Variants in RGS22 observed in about 807,000 individuals in gnomAD.
RGS22 encodes the protein regulator of G-protein signaling 22.
In RGS22, 148 loss-of-function variants were observed where a neutral mutation model predicts 172.9. The ratio of observed to expected loss-of-function variants is 0.86; its 90% confidence interval spans 0.75 to 0.98. The LOEUF (loss-of-function observed/expected upper bound fraction) is 0.98. RGS22 is among the 50% of genes least tolerant of loss of function. The pLI, the probability that RGS22 is intolerant of heterozygous loss-of-function variation, is 0.00. For synonymous variants in RGS22, 458 were observed against 480.2 expected (o/e 0.95, Z 0.60); for missense variants, 1,347 against 1,440.8 (o/e 0.93, Z 1.05).
intron 23 of RGS22, among the ~76,000 whole-genome samples, chr8:99,967,337 T>G (rs1289645245): frequency 3.3e-5 from 5 of 150,794 alleles, no homozygotes; most frequent in South Asian, 2.1e-4. Context: ...GAGTTTGTTT[T>G]TTTTTTTTGT....
At chr8:100,023,133 A>G (rs1344466926) in intron 14 of RGS22, among the ~76,000 whole-genome samples, 4 of 152,242 alleles carry the variant, frequency 2.6e-5, no homozygotes, top group Non-Finnish European at 4.4e-5. Flanking sequence ...CAGAGTATCA[A>G]GTGATTGCTG....
intron 9 of RGS22, among the ~76,000 whole-genome samples, chr8:100,060,266 T>C (rs1810003269): frequency 6.6e-6 from 1 of 151,814 alleles, no homozygotes; most frequent in African/African-American, 2.4e-5. Context: ...TAATGTCACA[T>C]GTATGTTCTT....
intron 14 of RGS22, among the ~76,000 whole-genome samples, chr8:100,016,881 G>A (rs988876763): frequency 2.0e-5 from 3 of 147,490 alleles, no homozygotes; most frequent in South Asian, 2.1e-4. Context: ...TAACCTGCAC[G>A]TTGTGCACAT....
intron 14 of RGS22, among the ~76,000 whole-genome samples, chr8:100,035,409 T>C (rs1030508606): frequency 3.9e-5 from 6 of 152,266 alleles, no homozygotes; most frequent in African/African-American, 1.2e-4. Context: ...CACAATGAGA[T>C]ACCATCTCAC....
At chr8:100,082,528 A>G (rs1811842807) in intron 3 of RGS22, among the ~76,000 whole-genome samples, 1 of 152,156 alleles carries the variant, frequency 6.6e-6, no homozygotes, top group Admixed American at 6.5e-5. Context: ...AAAGGTCGTG[A>G]TGGACACTTT....
chr8:100,055,313 G>T (rs186406059), intron 9 of RGS22, among the ~76,000 whole-genome samples: 2,058 of 152,316 alleles, frequency 0.014, 28 homozygotes, highest in Non-Finnish European at 0.022. Flanking sequence ...CTATTTGGGA[G>T]AAAGTAAGGG....
intron 23 of RGS22, among the ~76,000 whole-genome samples, chr8:99,973,501 C>T (rs555618913): frequency 1.4e-4 from 22 of 152,172 alleles, no homozygotes; most frequent in Middle Eastern, 6.8e-3. Flanking sequence ...ACATCACACA[C>T]CAGGGCCTGT....
At chr8:100,017,920 T>G (rs1374578969) in intron 14 of RGS22, among the ~76,000 whole-genome samples, 3 of 152,204 alleles carry the variant, frequency 2.0e-5, no homozygotes, top group African/African-American at 7.2e-5. Flanking sequence ...TCCAGTCAGC[T>G]ACTCTGATTC....
chr8:100,071,021 G>A (rs571937306), intron 6 of RGS22, among the ~76,000 whole-genome samples: 162 of 152,286 alleles, frequency 1.1e-3, no homozygotes, highest in Non-Finnish European at 2.0e-3. Context: ...GGTAGCTTAC[G>A]CCTGTAATCC....
At chr8:100,090,141 C>G (rs1812464077) in intron 3 of RGS22, among the ~76,000 whole-genome samples, 1 of 152,096 alleles carries the variant, frequency 6.6e-6, no homozygotes, top group Non-Finnish European at 1.5e-5. Context: ...AGCACTAAAC[C>G]TGTGCCAGGC....
intron 14 of RGS22, among the ~76,000 whole-genome samples, chr8:100,026,216 A>C (rs1253542827): frequency 7.4e-6 from 1 of 134,310 alleles, no homozygotes; most frequent in Admixed American, 7.3e-5. Flanking sequence ...GCTACAATGC[A>C]CAACCCAGTA....
intron 4 of RGS22, among the ~76,000 whole-genome samples, chr8:100,073,582 A>G (rs1169602351): frequency 3.9e-5 from 6 of 152,258 alleles, no homozygotes; most frequent in Admixed American, 2.0e-4. Context: ...TCTGAAGGAC[A>G]TTTGGATCTT....
At chr8:99,995,386 C>T (rs1012971768) in intron 20 of RGS22, among the ~76,000 whole-genome samples, 3 of 152,266 alleles carry the variant, frequency 2.0e-5, no homozygotes, top group Admixed American at 1.3e-4. Context: ...GGGTTAATAT[C>T]CAGAATCTAC....
At chr8:100,000,394 GA>G (rs1011437012) in intron 18 of RGS22, among the ~76,000 whole-genome samples, 7 of 149,700 alleles carry the variant, frequency 4.7e-5, no homozygotes, top group South Asian at 2.1e-4. Flanking sequence ...AAAAGAAAAA[GA>G]AAAAAAAAGA....
intron 14 of RGS22, among the ~76,000 whole-genome samples, chr8:100,023,036 A>T (rs1817788454): frequency 6.6e-6 from 1 of 152,184 alleles, no homozygotes; most frequent in Non-Finnish European, 1.5e-5. Flanking sequence ...GATTATATTA[A>T]AATTTCTGGC....
intron 2 of RGS22, among the ~76,000 whole-genome samples, chr8:100,099,802 A>C (rs776468979): frequency 5.3e-5 from 8 of 152,204 alleles, no homozygotes; most frequent in Non-Finnish European, 7.3e-5. Flanking sequence ...TGTTCACAAC[A>C]CTTCTGGCCC....
chr8:100,070,357 A>C (rs1810877719), intron 6 of RGS22, among the ~76,000 whole-genome samples: 1 of 152,204 alleles, frequency 6.6e-6, no homozygotes, highest in African/African-American at 2.4e-5. Context: ...AAGATGTTTC[A>C]GATCTTTGAG....
Position 100,071,310 on chromosome 8 carries a change from A to C in RGS22, c.594+59T>G, listed in dbSNP as rs946799996. ...TCAAAAAATATATGTATAAAATAAA[A>C]AATAAAATCAGAAGTGTTAGTGAAG... On this transcript the variant is annotated intron_variant, in intron 6 of 27. Coordinates refer to ENST00000360863, the MANE Select transcript of RGS22 (RefSeq NM_015668.5). 7.8e-6 allele frequency: 11 copies of C among 1,407,870 alleles called. No individual in the cohort carries two copies. In the Admixed American group the frequency reaches 1.1e-4, roughly 14 times the overall value. The allele number at this position is 1,407,870 out of a possible 1,614,324, so 87.2% of individuals were successfully genotyped here.
intron 20 of RGS22, among the ~76,000 whole-genome samples, chr8:99,990,680 C>T (rs991979164): frequency 6.6e-6 from 1 of 152,212 alleles, no homozygotes. Flanking sequence ...TAGACTCCAT[C>T]TCTGTGGGCA....
Sources: allele counts gnomAD v4.1 joint callset (sites outside exome capture counted in the v4.1 genomes callset), GRCh38; gene constraint gnomAD v4.1.1; transcripts MANE v1.5; gene names NCBI Gene and HGNC (gene_info 2026-07-23, HGNC 2026-07-21).